TFCP2L1: variants seen among roughly 807,000 people sequenced by gnomAD.
The protein encoded by TFCP2L1 is transcription factor CP2 like 1.
TFCP2L1 carries 12 observed loss-of-function variants against 72.2 expected under a neutral mutation model. The observed-to-expected ratio is 0.17, with a 90% CI of 0.11 to 0.27. The LOEUF is 0.27. Among genes scored for constraint, TFCP2L1 ranks in the 10% least tolerant of loss-of-function variants. TFCP2L1 has a pLI of 1.00. For missense variants in TFCP2L1, 488 were observed against 624.6 expected, an observed-to-expected ratio of 0.78 and a Z score of 2.33; for synonymous variants, 260 against 251.0, an observed-to-expected ratio of 1.04 and a Z score of -0.34.
At chr2:121,256,021 G>A (rs1471749258) in intron 2 of TFCP2L1, among the ~76,000 whole-genome samples, 9 of 152,130 alleles carry the variant, frequency 5.9e-5, no homozygotes, top group African/African-American at 1.9e-4. Context: ...GATTACAGGC[G>A]TGAGCCACCG....
At position 121,222,340 on chromosome 2, in the gene TFCP2L1, A is replaced by C. The variant is rs911854010; in HGVS notation, c.*2001T>G. Reference sequence around the variant, plus strand: ...AAATGAAAACATATGTCCACACAAAATCTTGTAGAAATATGTTCATAGCAG... The same window carrying C: ...AAATGAAAACATATGTCCACACAAACTCTTGTAGAAATATGTTCATAGCAG... On this transcript the variant is annotated 3_prime_UTR_variant, in exon 15 of 15. Transcript: ENST00000263707. The C allele has an allele frequency of 5.3e-5, 8 of 152,246 alleles. No homozygotes were observed. The highest frequency in any genetic ancestry group is 1.9e-4 in the African/African-American group (8 of 41,460). 9.4% of individuals were successfully genotyped at this position (152,246 alleles called of 1,614,324 possible).
At chr2:121,266,688 G>A (rs1686936690) in intron 2 of TFCP2L1, among the ~76,000 whole-genome samples, 1 of 152,104 alleles carries the variant, frequency 6.6e-6, no homozygotes, top group Non-Finnish European at 1.5e-5. Context: ...CTCAATCGAG[G>A]AAGTCTATCA....
chr2:121,273,674 T>G (rs1012217234), intron 2 of TFCP2L1, among the ~76,000 whole-genome samples: 4 of 152,188 alleles, frequency 2.6e-5, no homozygotes, highest in Non-Finnish European at 5.9e-5. Flanking sequence ...ATCTTTTCCA[T>G]GTTTTCAGAG....
In TFCP2L1 at chr2:121,222,974, A is replaced by G. The variant is rs1471169379; in HGVS notation, c.*1367T>C. The G allele has an allele frequency of 6.6e-6, 1 of 152,202 alleles. No homozygotes were observed. The highest frequency in any genetic ancestry group is 1.5e-5 in the Non-Finnish European group (1 of 68,030). 9.4% of individuals were successfully genotyped at this position (152,202 alleles called of 1,614,324 possible). ...TATGATAAATTTATATCGCTACCCT[A>G]TCACTATGTGCTACCATGCAGGTGA... On this transcript the variant is annotated 3_prime_UTR_variant, in exon 15 of 15. Coordinates refer to ENST00000263707, the MANE Select transcript of TFCP2L1 (RefSeq NM_014553.3).
At chr2:121,281,039 T>A (rs1687246763) in intron 2 of TFCP2L1, 81 bp downstream of exon 2, 2 of 1,586,962 alleles carry the variant, frequency 1.3e-6, no homozygotes, top group Non-Finnish European at 1.7e-6. Context: ...CGTAACAAAG[T>A]CACAAGGCCC....
At position 121,217,872 on chromosome 2, in the gene TFCP2L1, G is replaced by C. The variant is rs554201349; in HGVS notation, c.*6469C>G. On this transcript the variant is annotated 3_prime_UTR_variant, in exon 15 of 15. Coordinates refer to ENST00000263707, the MANE Select transcript of TFCP2L1 (RefSeq NM_014553.3). ...GGCTCTGCATTCCCACCACGAGGCG[G>C]GGTGGACTCTGCAGGAGCCAGCTGA... 1 of 152,426 alleles carries C rather than the reference G, an allele frequency of 6.6e-6. No homozygotes were observed. The highest frequency in any genetic ancestry group is 1.5e-5 in the Non-Finnish European group (1 of 68,086). The allele number at this position is 152,426 out of a possible 1,614,324, so 9.4% of individuals were successfully genotyped here. A position where few individuals can be genotyped will look rare whatever the true frequency, so the allele number is the denominator to read the frequency against.
At chr2:121,259,582 T>A (rs541751787) in intron 2 of TFCP2L1, among the ~76,000 whole-genome samples, 12 of 152,270 alleles carry the variant, frequency 7.9e-5, no homozygotes, top group African/African-American at 2.9e-4. Flanking sequence ...TACTTTGAAT[T>A]AGAAGTTAAA....
chr2:121,274,810 T>C (rs1687113272), intron 2 of TFCP2L1, among the ~76,000 whole-genome samples: 1 of 151,984 alleles, frequency 6.6e-6, no homozygotes, highest in Non-Finnish European at 1.5e-5. Context: ...CTGAGTGTGG[T>C]AGCACATGTT....
At chr2:121,281,374 G>T in intron 1 of TFCP2L1, 103 bp from the exon 2 acceptor site, 1 of 1,344,820 alleles carries the variant, frequency 7.4e-7, no homozygotes, top group African/African-American at 1.5e-5. Context: ...GGGGCCCAGG[G>T]TGACACGGCA....
chr2:121,261,616 AG>A (rs1686830624), intron 2 of TFCP2L1, among the ~76,000 whole-genome samples: 1 of 152,236 alleles, frequency 6.6e-6, no homozygotes, highest in South Asian at 2.1e-4. Flanking sequence ...CTTTTATAGT[AG>A]CATTCCAATT....
chr2:121,249,644 T>C lies in TFCP2L1; in HGVS notation c.218A>G (p.Gln73Arg). 6.2e-7 allele frequency: 1 copy of C among 1,614,186 alleles called. No individual in the cohort carries two copies. Residue 73 changes from glutamine to arginine, a missense_variant, in exon 3 of 15, where the codon CAG becomes CGG. Gln to Arg is a conservative substitution (Grantham distance 43). Transcript: ENST00000263707. ...EETLTYLNQG[Q>R]SYEIRLLENR... ...CTCCAGTAGTCGGATTTCATAAGAC[T>C]GACCTGGATGGGGGTTAAAAGGACA... is the stretch of plus-strand genomic sequence containing the variant.
chr2:121,245,166 A>G (rs1274908941), intron 6 of TFCP2L1, among the ~76,000 whole-genome samples: 1 of 152,168 alleles, frequency 6.6e-6, no homozygotes, highest in Non-Finnish European at 1.5e-5. Flanking sequence ...AGAGGGAGGT[A>G]GACGAGGAGG....
chr2:121,274,762 T>C (rs891350845), intron 2 of TFCP2L1, among the ~76,000 whole-genome samples: 22 of 151,892 alleles, frequency 1.4e-4, no homozygotes, highest in Admixed American at 5.2e-4. Context: ...CTGGGCAACA[T>C]AGTGGGATCT....
At chr2:121,260,025 G>C (rs760088638) in intron 2 of TFCP2L1, among the ~76,000 whole-genome samples, 25 of 152,296 alleles carry the variant, frequency 1.6e-4, no homozygotes, top group Middle Eastern at 3.4e-3. Context: ...TTTGGGGAAG[G>C]GAGTCCAGTT....
intron 2 of TFCP2L1, among the ~76,000 whole-genome samples, chr2:121,254,321 T>C (rs1401234873): frequency 6.6e-6 from 1 of 152,212 alleles, no homozygotes; most frequent in Non-Finnish European, 1.5e-5. Context: ...AGCCGTACTA[T>C]AATGTTTAAA....
At position 121,224,078 on chromosome 2, in the gene TFCP2L1, G is replaced by C. The variant is rs1685975963; in HGVS notation, c.*263C>G. The C allele has an allele frequency of 1.8e-6, 1 of 551,634 alleles. No homozygotes were observed. The highest frequency in any genetic ancestry group is 3.2e-6 in the Non-Finnish European group (1 of 308,396). 34.2% of individuals were successfully genotyped at this position (551,634 alleles called of 1,614,324 possible). ...CTGTTTGCCCTTTTAGAACGTCAGG[G>C]TTGGACCAATAGAAAAGAACAAGGA... On this transcript the variant is annotated 3_prime_UTR_variant, in exon 15 of 15. Transcript: ENST00000263707.
chr2:121,268,591 A>G (rs1686981066), intron 2 of TFCP2L1, among the ~76,000 whole-genome samples: 1 of 152,030 alleles, frequency 6.6e-6, no homozygotes, highest in South Asian at 2.1e-4. Context: ...AAAATATTAT[A>G]TCATTCTCCA....
chr2:121,227,845 A>G (rs537743116), intron 13 of TFCP2L1, among the ~76,000 whole-genome samples: 5 of 152,184 alleles, frequency 3.3e-5, no homozygotes, highest in African/African-American at 1.2e-4. Context: ...AATCTTGCAA[A>G]TCCATCCACC....
At chr2:121,237,273 T>A (rs893275893) in intron 10 of TFCP2L1, among the ~76,000 whole-genome samples, 2 of 152,048 alleles carry the variant, frequency 1.3e-5, no homozygotes, top group African/African-American at 4.8e-5. Context: ...TGAGGAGCAG[T>A]ATTTGGGTAG....
Sources: allele counts gnomAD v4.1 joint callset (sites outside exome capture counted in the v4.1 genomes callset), GRCh38; gene constraint gnomAD v4.1.1; transcripts MANE v1.5; gene names NCBI Gene and HGNC (gene_info 2026-07-23, HGNC 2026-07-21).